The following ABHD17B variants were observed in gnomAD, a reference collection of about 807,000 sequenced individuals.
ABHD17B encodes alpha/beta hydrolase domain-containing protein 17B.
Under a neutral mutation model 26.2 loss-of-function variants are expected in ABHD17B, and 9 were observed. The observed-to-expected ratio is 0.34, with a 90% confidence interval of 0.21 to 0.60. The LOEUF (loss-of-function observed/expected upper bound fraction) is 0.60, where lower values mean the gene tolerates loss of function less well. Ranked by LOEUF, ABHD17B falls within the 20% of genes least tolerant of loss-of-function variation. The probability of loss-of-function intolerance (pLI) is 0.80; values close to 1 mark genes in which losing one functional copy is unlikely to be tolerated. For synonymous variants in ABHD17B, 127 were observed against 122.3 expected (o/e 1.04, Z -0.25); for missense variants, 224 against 352.1 (o/e 0.64, Z 2.91).
intron 1 of ABHD17B, among the ~76,000 whole-genome samples, chr9:71,877,349 A>G (rs1037936916): frequency 1.8e-4 from 28 of 152,238 alleles, no homozygotes; most frequent in Non-Finnish European, 4.0e-4. Context: ...ATAGCCTTTT[A>G]AAAAGCTTAA....
downstream of ABHD17B, among the ~76,000 whole-genome samples, chr9:71,863,791 T>C (rs1825884249): frequency 6.6e-6 from 1 of 152,200 alleles, no homozygotes; most frequent in Admixed American, 6.5e-5. Context: ...TGTACATGCC[T>C]CTCAAATATT....
At chr9:71,864,451 C>T (rs1408246590), downstream of ABHD17B, among the ~76,000 whole-genome samples, 1 of 151,872 alleles carries the variant, frequency 6.6e-6, no homozygotes, top group African/African-American at 2.4e-5. Flanking sequence ...GATCTCCTGA[C>T]CTCGTGATCC....
At chr9:71,896,144 G>C (rs1392749025) in intron 1 of ABHD17B, among the ~76,000 whole-genome samples, 1 of 152,066 alleles carries the variant, frequency 6.6e-6, no homozygotes, top group African/African-American at 2.4e-5. Context: ...TTCCAGTGCT[G>C]TGTAAGACAT....
intron 1 of ABHD17B, among the ~76,000 whole-genome samples, chr9:71,891,684 A>G (rs946991333): frequency 6.6e-6 from 1 of 152,186 alleles, no homozygotes; most frequent in Non-Finnish European, 1.5e-5. Context: ...CTGCTAGAAT[A>G]AAGAGGATTT....
intron 1 of ABHD17B, among the ~76,000 whole-genome samples, chr9:71,899,296 G>C (rs560681687): frequency 6.6e-6 from 1 of 152,346 alleles, no homozygotes; most frequent in East Asian, 1.9e-4. Context: ...GTGGGATGGA[G>C]GAAAGCAGAA....
rs1456788946 is a variant in ABHD17B, at chr9:71,866,163, G to A, written c.*624C>T. 4 of 984,160 alleles carry A rather than the reference G, an allele frequency of 4.1e-6. No individual in the cohort carries two copies. Among genetic ancestry groups the A allele is most frequent in the Non-Finnish European group, 4.8e-6 (4 of 828,580 alleles). The allele number at this position is 984,160 out of a possible 1,614,324, so 61.0% of individuals were successfully genotyped here. On this transcript the variant is annotated 3_prime_UTR_variant, in exon 4 of 4. Transcript: ENST00000333421. ...TTCTCATTTACAAGGTAACTCATTG[G>A]TAAATTAATAGATGGCATAAAAATT...
At chr9:71,899,384 A>G (rs1176987937) in intron 1 of ABHD17B, among the ~76,000 whole-genome samples, 2 of 152,174 alleles carry the variant, frequency 1.3e-5, no homozygotes, top group African/African-American at 2.4e-5. Flanking sequence ...TTTATTTGGT[A>G]GTCTATATGT....
intron 1 of ABHD17B, among the ~76,000 whole-genome samples, chr9:71,892,400 G>T (rs1826812190): frequency 6.6e-6 from 1 of 151,868 alleles, no homozygotes; most frequent in Admixed American, 6.6e-5. Flanking sequence ...AGGCGTGGTG[G>T]CGGGCGCCTG....
intron 3 of ABHD17B, among the ~76,000 whole-genome samples, chr9:71,868,396 G>C (rs1826018497): frequency 6.6e-6 from 1 of 152,120 alleles, no homozygotes; most frequent in Non-Finnish European, 1.5e-5. Flanking sequence ...CATGAGAGGA[G>C]AACACTTCAA....
chr9:71,888,378 C>T (rs1024506050), intron 1 of ABHD17B, among the ~76,000 whole-genome samples: 2 of 152,174 alleles, frequency 1.3e-5, no homozygotes, highest in African/African-American at 4.8e-5. Context: ...TCATGCTTAT[C>T]CTCAAACTCA....
chr9:71,886,473 G>C (rs1453709890), intron 1 of ABHD17B, among the ~76,000 whole-genome samples: 2 of 151,828 alleles, frequency 1.3e-5, no homozygotes. Context: ...TTGAACAGGA[G>C]GTACTTAGTT....
intron 1 of ABHD17B, among the ~76,000 whole-genome samples, chr9:71,904,081 T>A (rs1044881271): frequency 1.3e-5 from 2 of 152,230 alleles, no homozygotes; most frequent in Admixed American, 6.5e-5. Context: ...TGACTGCACA[T>A]CTCTGCCCAT....
At position 71,866,213 on chromosome 9, in the gene ABHD17B, T is replaced by C. The variant is rs2132117602; in HGVS notation, c.*574A>G. On this transcript the variant is annotated 3_prime_UTR_variant, in exon 4 of 4. Coordinates refer to ENST00000333421, the MANE Select transcript of ABHD17B (RefSeq NM_001025780.3). The stretch of plus-strand genomic sequence containing the variant: ...TAAGATTTACATCTTTTTTAAAGGA[T>C]AAATGTATGTAATCAGAGTATACAG... 2 of 980,330 alleles carry C rather than the reference T, an allele frequency of 2.0e-6. No individual in the cohort carries two copies. Among genetic ancestry groups the C allele is most frequent in the African/African-American group, 1.7e-5 (1 of 57,206 alleles). 60.7% of individuals were successfully genotyped at this position (980,330 alleles called of 1,614,324 possible). A position where few individuals can be genotyped will look rare whatever the true frequency, so the allele number is the denominator to read the frequency against.
intron 1 of ABHD17B, among the ~76,000 whole-genome samples, chr9:71,906,337 T>G (rs1222381258): frequency 6.6e-6 from 1 of 152,238 alleles, no homozygotes; most frequent in Admixed American, 6.5e-5. Context: ...TTTTCCACTT[T>G]TCCACCAATG....
intron 2 of ABHD17B, among the ~76,000 whole-genome samples, chr9:71,871,404 A>G (rs939502594): frequency 4.6e-5 from 7 of 152,196 alleles, no homozygotes; most frequent in Non-Finnish European, 1.0e-4. Flanking sequence ...TCTACTTCAA[A>G]TTGACTCTAA....
chr9:71,884,767 A>G lies in ABHD17B; in HGVS notation c.-3-9684T>C, dbSNP rs371727877. Among the ~76,000 whole-genome samples, 62 of 152,218 alleles carry G rather than the reference A, an allele frequency of 4.1e-4. 1 individual carries two copies. Among genetic ancestry groups the G allele is most frequent in the African/African-American group, 1.3e-3 (56 of 41,534 alleles). On this transcript the variant is annotated intron_variant, in intron 1 of 3. Coordinates refer to ENST00000333421, the MANE Select transcript of ABHD17B (RefSeq NM_001025780.3). ...CACATCTGCTTGCTTACAACTGGAC[A>G]TCTAGTATCAAGCAGAATACTTGAC...
intron 1 of ABHD17B, among the ~76,000 whole-genome samples, chr9:71,886,162 T>C (rs1826602001): frequency 6.6e-6 from 1 of 152,238 alleles, no homozygotes; most frequent in Admixed American, 6.5e-5. Context: ...GTATTCAAAG[T>C]ATAGCTACAT....
chr9:71,909,910 C>G (rs1827397509), intron 1 of ABHD17B, among the ~76,000 whole-genome samples: 1 of 151,742 alleles, frequency 6.6e-6, no homozygotes, highest in Non-Finnish European at 1.5e-5. Context: ...GTTAAATACA[C>G]TCTTTCCTTC....
intron 2 of ABHD17B, among the ~76,000 whole-genome samples, chr9:71,870,608 T>A (rs981714741): frequency 6.6e-6 from 1 of 152,228 alleles, no homozygotes; most frequent in Admixed American, 6.5e-5. Context: ...TTTAATGAAC[T>A]GATGTTGAAT....
Sources: gnomAD v4.1 joint callset for allele counts (sites outside exome capture counted in the v4.1 genomes callset) on GRCh38, gnomAD v4.1.1 for gene constraint, MANE v1.5 for transcripts, NCBI Gene and HGNC (gene_info 2026-07-23, HGNC 2026-07-21) for gene names.